Variants in CRTAC1 observed in about 807,000 individuals in gnomAD.
CRTAC1 encodes acidic secreted protein in cartilage.
In CRTAC1, 37 loss-of-function variants were observed where a neutral mutation model predicts 67.8. That is an observed-to-expected ratio of 0.55 (90% confidence interval 0.42 to 0.72). The LOEUF (loss-of-function observed/expected upper bound fraction) is 0.72. Ranked by LOEUF, CRTAC1 falls within the 30% of genes least tolerant of loss-of-function variation. CRTAC1 has a pLI of 0.00. For missense variants in CRTAC1, 780 were observed against 931.6 expected (o/e 0.84, Z 2.12); for synonymous variants, 348 against 371.0 (o/e 0.94, Z 0.71).
rs149386183 is a variant in CRTAC1, at chr10:97,934,769, T to A, written c.421+1401A>T. On this transcript the variant is annotated intron_variant, in intron 3 of 14. Transcript: ENST00000370597. ...ATCCAAAGCTGACCCAAAAGAGGGC[T>A]GCCTTCTGGAGGAGCCCACTGCACA... Among the ~76,000 whole-genome samples the A allele has an allele frequency of 4.0e-3, 607 of 152,172 alleles. 4 individuals carry two copies. The highest frequency in any genetic ancestry group is 0.01 in the African/African-American group (417 of 41,520).
intron 8 of CRTAC1, among the ~76,000 whole-genome samples, chr10:97,898,733 G>T (rs2050494569): frequency 6.6e-6 from 1 of 152,122 alleles, no homozygotes; most frequent in African/African-American, 2.4e-5. Context: ...TGGGGGAGGT[G>T]CAGGAATCTC....
chr10:97,880,952 C>G (rs999544322), intron 13 of CRTAC1, among the ~76,000 whole-genome samples: 1 of 152,176 alleles, frequency 6.6e-6, no homozygotes, highest in Non-Finnish European at 1.5e-5. Flanking sequence ...AGAGCCTGTC[C>G]ACTCTGCCCC....
Position 98,029,955 on chromosome 10 carries a change from G to C in CRTAC1, c.24+494C>G, listed in dbSNP as rs985011716. The stretch of plus-strand genomic sequence containing the variant: ...TGTGCCCGGGAACTCGGCTTCCCAG[G>C]GGAGGAAGAGCCAGCCCGCGGGGCT... On this transcript the variant is annotated intron_variant, in intron 1 of 14. Coordinates refer to ENST00000370597, the MANE Select transcript of CRTAC1 (RefSeq NM_018058.7). This position sits in a 1 kb window ranked among gnomAD's most constrained non-coding sequence, Gnocchi z 4.7. Among the ~76,000 whole-genome samples the C allele has an allele frequency of 6.6e-6, 1 of 152,110 alleles. No homozygotes were observed. Among genetic ancestry groups the C allele is most frequent in the African/African-American group, 2.4e-5 (1 of 41,448 alleles).
At chr10:98,002,879 T>C (rs1022491008) in intron 2 of CRTAC1, among the ~76,000 whole-genome samples, 2 of 142,516 alleles carry the variant, frequency 1.4e-5, no homozygotes, top group Admixed American at 7.4e-5. Context: ...CCCGGGTTCA[T>C]GCCATTCTCC....
At chr10:97,890,822 C>G (rs1331984572) in intron 11 of CRTAC1, among the ~76,000 whole-genome samples, 1 of 152,118 alleles carries the variant, frequency 6.6e-6, no homozygotes, top group Non-Finnish European at 1.5e-5. Flanking sequence ...CATGCACCAC[C>G]ACGCCCAGCT....
At chr10:97,972,366 G>C (rs1024333160) in intron 2 of CRTAC1, among the ~76,000 whole-genome samples, 3 of 152,182 alleles carry the variant, frequency 2.0e-5, no homozygotes, top group Admixed American at 6.5e-5. Flanking sequence ...CAAGTTCACA[G>C]GCAAATGCCT....
chr10:97,881,425 G>A (rs1160698901), intron 13 of CRTAC1, among the ~76,000 whole-genome samples: 2 of 152,192 alleles, frequency 1.3e-5, no homozygotes. Flanking sequence ...TCTCCAGGGA[G>A]CACCTTGCTC....
chr10:97,908,381 T>A (rs1317022444), intron 5 of CRTAC1, among the ~76,000 whole-genome samples: 1 of 152,186 alleles, frequency 6.6e-6, no homozygotes, highest in East Asian at 1.9e-4. Context: ...CAACCGGGCA[T>A]GGGGACCCCA....
chr10:97,945,177 T>C (rs1156579134), intron 2 of CRTAC1, among the ~76,000 whole-genome samples: 2 of 152,188 alleles, frequency 1.3e-5, no homozygotes, highest in African/African-American at 4.8e-5. Flanking sequence ...AGGATGGCTA[T>C]TTGAATTCAC....
At chr10:97,869,568 CT>C in intron 14 of CRTAC1, 1 of 152,526 alleles carries the variant, frequency 6.6e-6, no homozygotes, top group Non-Finnish European at 1.5e-5. Flanking sequence ...GGCTTCCTTC[CT>C]TTGGCCACAG....
chr10:97,937,161 T>A (rs76155857), intron 2 of CRTAC1, among the ~76,000 whole-genome samples: 241 of 152,296 alleles, frequency 1.6e-3, no homozygotes, highest in Non-Finnish European at 2.6e-3. Flanking sequence ...TCTGTCTCAC[T>A]CTCCTGCGCC....
intron 11 of CRTAC1, among the ~76,000 whole-genome samples, chr10:97,891,480 A>T (rs997354998): frequency 2.6e-5 from 4 of 152,106 alleles, no homozygotes; most frequent in African/African-American, 9.7e-5. Context: ...AACAAAACTG[A>T]TTTCTCTCGC....
intron 1 of CRTAC1, among the ~76,000 whole-genome samples, chr10:98,025,506 C>G (rs759360210): frequency 6.6e-6 from 1 of 152,198 alleles, no homozygotes; most frequent in Non-Finnish European, 1.5e-5. Flanking sequence ...TTCCCCCAAC[C>G]CTTTCACACC....
At chr10:97,893,046 C>A (rs2050400068) in intron 11 of CRTAC1, among the ~76,000 whole-genome samples, 1 of 152,198 alleles carries the variant, frequency 6.6e-6, no homozygotes, top group Non-Finnish European at 1.5e-5. Flanking sequence ...ATCATGTGAC[C>A]TTGGCAGGTT....
At chr10:97,905,105 G>A (rs1290492047) in intron 6 of CRTAC1, among the ~76,000 whole-genome samples, 1 of 152,078 alleles carries the variant, frequency 6.6e-6, no homozygotes, top group African/African-American at 2.4e-5. Flanking sequence ...GAGGGAGACT[G>A]GGGGAAATTC....
rs747799640 is a variant in CRTAC1, at chr10:97,940,304, G to A, written c.225-3938C>T. On this transcript the variant is annotated intron_variant, in intron 2 of 14. Transcript: ENST00000370597. Reference sequence around the variant, plus strand: ...GTCCCCACGCTGACAAGCCTGGGAAGCTGAGTGTGAGCTACATGGGCTTAC... The same window carrying A: ...GTCCCCACGCTGACAAGCCTGGGAAACTGAGTGTGAGCTACATGGGCTTAC... Among the ~76,000 whole-genome samples the A allele has an allele frequency of 1.6e-4, 24 of 152,226 alleles. 1 individual carries two copies. The highest frequency in any genetic ancestry group is 4.3e-4 in the African/African-American group (18 of 41,472).
chr10:98,016,317 T>C (rs1303529727), intron 1 of CRTAC1, among the ~76,000 whole-genome samples: 4 of 152,282 alleles, frequency 2.6e-5, no homozygotes, highest in African/African-American at 9.6e-5. Context: ...GCTCTGTTAA[T>C]ATGTGTTAAG....
chr10:97,952,476 T>TGTATTGA (rs2051372593), intron 2 of CRTAC1, among the ~76,000 whole-genome samples: 1 of 148,250 alleles, frequency 6.7e-6, no homozygotes, highest in Non-Finnish European at 1.5e-5. Flanking sequence ...AGATGGAGGT[T>TGTATTGA]GTATTGAGTC....
At position 97,957,543 on chromosome 10, in the gene CRTAC1, G is replaced by A. The variant is rs142322090; in HGVS notation, c.225-21177C>T. On this transcript the variant is annotated intron_variant, in intron 2 of 14. Coordinates refer to ENST00000370597, the MANE Select transcript of CRTAC1 (RefSeq NM_018058.7). ...GAAAACCAAGGCTCAGCAAGGTTAG[G>A]GAATTTGCCTGAGGCTGCACAGCTG... Among the ~76,000 whole-genome samples, 287 of 152,264 alleles carry A rather than the reference G, an allele frequency of 1.9e-3. 1 individual carries two copies. The highest frequency in any genetic ancestry group is 6.7e-3 in the African/African-American group (277 of 41,546).
Sources: allele counts gnomAD v4.1 joint callset (sites outside exome capture counted in the v4.1 genomes callset), GRCh38; gene constraint gnomAD v4.1.1; non-coding constraint Gnocchi (gnomAD v3.1); transcripts MANE v1.5; gene names NCBI Gene and HGNC (gene_info 2026-07-23, HGNC 2026-07-21).